PLXNA2: variants seen among roughly 807,000 people sequenced by gnomAD.
The protein encoded by PLXNA2 is plexin A2, also known as plexin-A2.
A neutral mutation model predicts 193.5 loss-of-function variants in PLXNA2; 91 were observed. That is an observed-to-expected ratio of 0.47 (90% CI 0.40 to 0.56). PLXNA2 has a LOEUF of 0.56. PLXNA2 is among the 20% of genes least tolerant of loss of function. PLXNA2 has a pLI of 0.00. For missense variants in PLXNA2, 1,995 were observed against 2,503.2 expected, an observed-to-expected ratio of 0.80 and a Z score of 4.33; for synonymous variants, 997 against 1,027.3, an observed-to-expected ratio of 0.97 and a Z score of 0.56.
chr1:208,240,484 A>C (rs1672011817), intron 1 of PLXNA2, among the ~76,000 whole-genome samples: 1 of 152,218 alleles, frequency 6.6e-6, no homozygotes, highest in South Asian at 2.1e-4. Flanking sequence ...TTTGTAACGA[A>C]GTGAAAAAAC....
Position 208,054,555 on chromosome 1 carries a change from CCTT to C in PLXNA2, c.2739-20_2739-18del. ...CAGACAATCCTGGGGAGAAAGCAAA[CCTT>C]CTGGTGAGGGACTGGGCAAGGGCTG... is the stretch of plus-strand genomic sequence containing the variant. On this transcript the variant is annotated intron_variant, in intron 13 of 31. Coordinates refer to ENST00000367033, the MANE Select transcript of PLXNA2 (RefSeq NM_025179.4). 1 of 1,584,836 alleles carries C rather than the reference CCTT, an allele frequency of 6.3e-7. No homozygotes were observed.
chr1:208,095,000 C>T (rs1008702272), intron 8 of PLXNA2, among the ~76,000 whole-genome samples: 2 of 152,154 alleles, frequency 1.3e-5, no homozygotes, highest in Non-Finnish European at 2.9e-5. Flanking sequence ...GACTGGATAC[C>T]CCTGAAGACC....
chr1:208,154,225 TCTGCTGGTGCTGGGTA>T (rs112096492), intron 3 of PLXNA2, among the ~76,000 whole-genome samples: 42,888 of 151,578 alleles, frequency 0.28, 7,031 homozygotes, highest in Non-Finnish European at 0.37. Flanking sequence ...GCGTGAAGAC[TCTGCTGGTGCTGGGTA>T]CAGTACAGCA....
At chr1:208,192,739 T>G (rs541753828) in intron 3 of PLXNA2, among the ~76,000 whole-genome samples, 3 of 151,832 alleles carry the variant, frequency 2.0e-5, no homozygotes, top group Non-Finnish European at 4.4e-5. Flanking sequence ...ATACAAAAAT[T>G]AGCCAGGCAT....
intron 27 of PLXNA2, among the ~76,000 whole-genome samples, 197 bp from the exon 28 acceptor site, chr1:208,033,706 G>C (rs1036568517): frequency 3.3e-5 from 5 of 152,188 alleles, no homozygotes; most frequent in African/African-American, 1.2e-4. Flanking sequence ...GAGCTTGAAG[G>C]CTTTTTTAGA....
chr1:208,112,488 G>A (rs1667511897), intron 4 of PLXNA2, among the ~76,000 whole-genome samples: 1 of 152,194 alleles, frequency 6.6e-6, no homozygotes, highest in Non-Finnish European at 1.5e-5. Flanking sequence ...CTTACGTGAT[G>A]TCTGTACATA....
chr1:208,163,940 G>C (rs1669214623), intron 3 of PLXNA2, among the ~76,000 whole-genome samples: 2 of 152,138 alleles, frequency 1.3e-5, no homozygotes, highest in Admixed American at 1.3e-4. Flanking sequence ...GTCAGCATGT[G>C]GGGGGCTTCT....
intron 4 of PLXNA2, among the ~76,000 whole-genome samples, chr1:208,122,845 G>C (rs555316538): frequency 4.6e-5 from 7 of 152,280 alleles, no homozygotes; most frequent in African/African-American, 1.7e-4. Flanking sequence ...GTTGCCAGGG[G>C]AAGGAGAGGT....
intron 4 of PLXNA2, among the ~76,000 whole-genome samples, chr1:208,133,513 T>C (rs1487389016): frequency 6.6e-6 from 1 of 152,258 alleles, no homozygotes; most frequent in African/African-American, 2.4e-5. Context: ...CAGCCCTATC[T>C]ATATCTACAT....
chr1:208,043,925 G>C (rs574300808), intron 20 of PLXNA2, among the ~76,000 whole-genome samples: 1 of 152,352 alleles, frequency 6.6e-6, no homozygotes, highest in East Asian at 1.9e-4. Context: ...GAGGACGCCA[G>C]GTACACTCGT....
At chr1:208,109,724 TG>T (rs2102429150) in intron 4 of PLXNA2, among the ~76,000 whole-genome samples, 2 of 152,350 alleles carry the variant, frequency 1.3e-5, no homozygotes, top group South Asian at 4.1e-4. Flanking sequence ...TGGGACTGAC[TG>T]TTCGCTCTTC....
chr1:208,179,521 C>T (rs1669770692), intron 3 of PLXNA2, among the ~76,000 whole-genome samples: 1 of 152,166 alleles, frequency 6.6e-6, no homozygotes, highest in Non-Finnish European at 1.5e-5. Context: ...ACTCACTCCC[C>T]TTCTCCCCCA....
chr1:208,149,621 G>A lies in PLXNA2; in HGVS notation c.1372-7158C>T, dbSNP rs532827825. 1.2e-4 allele frequency among the ~76,000 whole-genome samples: 19 copies of A among 152,060 alleles called. No individual in the cohort carries two copies. In the South Asian group the frequency reaches 2.1e-3, roughly 17 times the overall value. ...TGTGTGTTCAGACCTTTAAGGAGGTGAAAGGTGGAGAGGGCCTGGTGCTGC... is the reference window on the plus strand; with the variant it reads ...TGTGTGTTCAGACCTTTAAGGAGGTAAAAGGTGGAGAGGGCCTGGTGCTGC... On this transcript the variant is annotated intron_variant, in intron 3 of 31. Coordinates refer to ENST00000367033, the MANE Select transcript of PLXNA2 (RefSeq NM_025179.4).
chr1:208,216,672 T>C, intron 2 of PLXNA2, 63 bp downstream of exon 2: 1 of 1,544,634 alleles, frequency 6.5e-7, no homozygotes, highest in Non-Finnish European at 8.7e-7. Context: ...CCCCAGGGCA[T>C]GGACAGGAAG....
At chr1:208,146,953 G>A (rs1399913339) in intron 3 of PLXNA2, among the ~76,000 whole-genome samples, 1 of 152,198 alleles carries the variant, frequency 6.6e-6, no homozygotes, top group Non-Finnish European at 1.5e-5. Flanking sequence ...AGGCTCAGCA[G>A]CCAGATAGCA....
At chr1:208,225,604 C>T (rs920381643) in intron 1 of PLXNA2, among the ~76,000 whole-genome samples, 3 of 152,214 alleles carry the variant, frequency 2.0e-5, no homozygotes, top group Non-Finnish European at 4.4e-5. Context: ...TGAGCCATGG[C>T]ACCCGTCCCT....
intron 1 of PLXNA2, among the ~76,000 whole-genome samples, chr1:208,238,665 G>T (rs938911793): frequency 6.6e-6 from 1 of 152,180 alleles, no homozygotes; most frequent in Non-Finnish European, 1.5e-5. Context: ...TTCCCACAGA[G>T]AATATGAAGA....
chr1:208,182,387 C>T (rs965372588), intron 3 of PLXNA2, among the ~76,000 whole-genome samples: 4 of 152,046 alleles, frequency 2.6e-5, no homozygotes, highest in African/African-American at 9.7e-5. Context: ...GAGCCCAGAT[C>T]GCGCCACTGC....
intron 29 of PLXNA2, 183 bp downstream of exon 29, chr1:208,031,407 A>G: frequency 7.4e-7 from 1 of 1,350,632 alleles, no homozygotes; most frequent in Non-Finnish European, 9.8e-7. Flanking sequence ...CACTTGGCAC[A>G]GGCAGCTGGG....
Sources: gnomAD v4.1 joint callset for allele counts (sites outside exome capture counted in the v4.1 genomes callset) on GRCh38, gnomAD v4.1.1 for gene constraint, MANE v1.5 for transcripts, NCBI Gene and HGNC (gene_info 2026-07-23, HGNC 2026-07-21) for gene names.